The following PTPRQ variants were observed in gnomAD, a reference collection of about 807,000 sequenced individuals.
The protein encoded by PTPRQ is protein tyrosine phosphatase receptor type Q.
In PTPRQ, 199 loss-of-function variants were observed where a neutral mutation model predicts 246.0. The observed-to-expected ratio is 0.81, with a 90% CI of 0.72 to 0.91. The LOEUF (loss-of-function observed/expected upper bound fraction) is 0.91. PTPRQ is among the 40% of genes least tolerant of loss of function. PTPRQ has a pLI of 0.00. For synonymous variants in PTPRQ, 869 were observed against 853.2 expected, an observed-to-expected ratio of 1.02 and a Z score of -0.32; for missense variants, 2,624 against 2,528.4, an observed-to-expected ratio of 1.04 and a Z score of -0.81.
chr12:80,455,004 T>C (rs1282736196), intron 3 of PTPRQ, among the ~76,000 whole-genome samples: 1 of 152,136 alleles, frequency 6.6e-6, no homozygotes, highest in Non-Finnish European at 1.5e-5. Context: ...AAATCCCATC[T>C]CTACTCAAAA....
intron 14 of PTPRQ, among the ~76,000 whole-genome samples, chr12:80,505,404 G>T (rs1333076089): frequency 1.3e-5 from 2 of 151,832 alleles, no homozygotes; most frequent in African/African-American, 4.8e-5. Flanking sequence ...TAGGGTATCT[G>T]TTCCAATATT....
At position 80,484,493 on chromosome 12, in the gene PTPRQ, C is replaced by G. The variant is rs372238123; in HGVS notation, c.1247C>G (p.Thr416Ser). The G allele has an allele frequency of 3.9e-6, 6 of 1,551,064 alleles. No individual in the cohort carries two copies. Among genetic ancestry groups the G allele is most frequent in the Non-Finnish European group, 5.2e-6 (6 of 1,146,834 alleles). Residue 416 changes from threonine (T) to serine (S), a missense_variant, in exon 9 of 45, where the codon ACT (threonine) becomes AGT (serine). Transcript: ENST00000644991. ...GTAGAATCCACGCAAGTAAGAATTA[C>G]TTGGAAGAAACCACGACAACCAAAT... is the stretch of plus-strand genomic sequence containing the variant. ...AEVESTQVRI[T>S]WKKPRQPNGI...
intron 35 of PTPRQ, among the ~76,000 whole-genome samples, chr12:80,645,830 C>T (rs963381156): frequency 6.6e-6 from 1 of 151,988 alleles, no homozygotes. Context: ...TAGAGAATAT[C>T]TGGAGTGCAA....
intron 8 of PTPRQ, among the ~76,000 whole-genome samples, chr12:80,473,251 T>A (rs1893710660): frequency 1.3e-5 from 2 of 152,366 alleles, no homozygotes; most frequent in South Asian, 4.1e-4. Flanking sequence ...TTAGAATACA[T>A]ATAAGAAAGT....
At chr12:80,616,404 G>A (rs746508518) in intron 30 of PTPRQ, 138 bp downstream of exon 30, 4 of 712,686 alleles carry the variant, frequency 5.6e-6, no homozygotes, top group Non-Finnish European at 3.9e-6. Context: ...GTAAAAATGT[G>A]TGGTTATTAA....
chr12:80,472,864 C>G (rs963537857), intron 8 of PTPRQ, among the ~76,000 whole-genome samples: 69 of 152,242 alleles, frequency 4.5e-4, no homozygotes, highest in African/African-American at 1.5e-3. Context: ...CAGGCCCACA[C>G]TGAACTTGCT....
intron 16 of PTPRQ, among the ~76,000 whole-genome samples, chr12:80,510,021 A>T (rs988622113): frequency 2.0e-5 from 3 of 152,000 alleles, no homozygotes; most frequent in Admixed American, 2.0e-4. Context: ...TTATTAGAGG[A>T]TGACAGTTGA....
At chr12:80,566,216 G>A (rs1896973021) in intron 25 of PTPRQ, among the ~76,000 whole-genome samples, 1 of 152,156 alleles carries the variant, frequency 6.6e-6, no homozygotes, top group African/African-American at 2.4e-5. Flanking sequence ...GGTGGCTCAT[G>A]CCTGTAATCC....
intron 32 of PTPRQ, among the ~76,000 whole-genome samples, chr12:80,621,652 T>C (rs188583668): frequency 1.1e-3 from 165 of 152,156 alleles, no homozygotes; most frequent in Admixed American, 3.1e-3. Context: ...ATCATCATTT[T>C]AATCTAATTC....
At chr12:80,645,795 T>C (rs1900052013) in intron 35 of PTPRQ, among the ~76,000 whole-genome samples, 1 of 152,044 alleles carries the variant, frequency 6.6e-6, no homozygotes, top group African/African-American at 2.4e-5. Flanking sequence ...CCTGGAATGG[T>C]ATAAAATTGA....
intron 6 of PTPRQ, among the ~76,000 whole-genome samples, chr12:80,463,001 AACAAAGCTGG>A (rs1191802801): frequency 6.6e-6 from 1 of 152,148 alleles, no homozygotes; most frequent in Non-Finnish European, 1.5e-5. Context: ...CCAGCAACAG[AACAAAGCTGG>A]ACAGAGAATG....
In PTPRQ at chr12:80,506,899, C is replaced by T. The variant is rs185214870; in HGVS notation, c.2557+229C>T. On this transcript the variant is annotated intron_variant, in intron 16 of 44. Coordinates refer to ENST00000644991, the MANE Select transcript of PTPRQ (RefSeq NM_001145026.2). The stretch of plus-strand genomic sequence containing the variant: ...TTTTTATTTTCTGAAGTCATCAGTA[C>T]TCTGTAAAAAACAGTCAGTCATGTT... Among the ~76,000 whole-genome samples, 139 of 152,026 alleles carry T rather than the reference C, an allele frequency of 9.1e-4. 1 individual carries two copies. The highest frequency in any genetic ancestry group is 9.0e-3 in the Admixed American group (138 of 15,250).
rs1457372755 is a variant in PTPRQ, at chr12:80,542,877, A to G, written c.3869A>G (p.Tyr1290Cys). The change falls in exon 23 of 45, where the codon TAT (tyrosine) becomes TGT (cysteine). Residue 1290 changes from tyrosine (Y) to cysteine (C), a missense_variant. Transcript: ENST00000644991. ...IHEHETDTIY[Y>C]KNISGFKTEA... ...GAACATGAAACTGACACTATATATT[A>G]TAAGGTAGGTTGATTATAACAGTAT... 57 of 1,482,000 alleles carry G rather than the reference A, an allele frequency of 3.8e-5. No individual in the cohort carries two copies. The highest frequency in any genetic ancestry group is 5.1e-5 in the Non-Finnish European group (57 of 1,108,012). The allele number at this position is 1,482,000 out of a possible 1,614,324, so 91.8% of individuals were successfully genotyped here. A position where few individuals can be genotyped will look rare whatever the true frequency, so the allele number is the denominator to read the frequency against.
intron 19 of PTPRQ, among the ~76,000 whole-genome samples, chr12:80,537,677 C>A (rs1317472366): frequency 1.3e-5 from 2 of 152,192 alleles, no homozygotes; most frequent in Non-Finnish European, 2.9e-5. Context: ...AACCTCTTTG[C>A]TACTACTTGG....
At chr12:80,583,486 A>G (rs916350730) in intron 25 of PTPRQ, among the ~76,000 whole-genome samples, 8 of 152,144 alleles carry the variant, frequency 5.3e-5, no homozygotes, top group African/African-American at 1.9e-4. Context: ...AGGAAAGTAA[A>G]TATCAGTTCA....
Position 80,496,001 on chromosome 12 carries a change from T to A in PTPRQ, c.1885T>A (p.Leu629Ile). 6.5e-7 allele frequency: 1 copy of A among 1,549,200 alleles called. No individual in the cohort carries two copies. The highest frequency in any genetic ancestry group is 1.4e-5 in the African/African-American group (1 of 72,934). Residue 629 changes from leucine (L) to isoleucine (I), a missense_variant and splice_region_variant, in exon 13 of 45, where the codon TTA becomes ATA. By Grantham distance (5) the Leu-to-Ile change is conservative. Transcript: ENST00000644991. ...CAGTTTGTCTCTTGTCCTTATAGGG[T>A]TAAAGAAATACACAAAATACAAAAT... ...TIDNSFLITGLKKYTKYKMRV... is the reference protein window; with the variant it reads ...TIDNSFLITGIKKYTKYKMRV...
chr12:80,502,996 G>A (rs1456558588), intron 14 of PTPRQ, among the ~76,000 whole-genome samples: 3 of 151,738 alleles, frequency 2.0e-5, no homozygotes, highest in African/African-American at 7.3e-5. Context: ...AGTGACAGAG[G>A]TATTACCAGT....
At chr12:80,539,661 C>T in intron 19 of PTPRQ, 115 bp from the exon 20 acceptor site, 2 of 876,974 alleles carry the variant, frequency 2.3e-6, no homozygotes, top group Non-Finnish European at 1.6e-6. Context: ...TTTCCTAAAA[C>T]AACATATTAA....
At chr12:80,484,182 T>G (rs1894190420) in intron 8 of PTPRQ, among the ~76,000 whole-genome samples, 2 of 151,762 alleles carry the variant, frequency 1.3e-5, no homozygotes, top group South Asian at 4.2e-4. Flanking sequence ...ATTTTTGTAT[T>G]TTTTAGTAGA....
Sources: allele counts gnomAD v4.1 joint callset (sites outside exome capture counted in the v4.1 genomes callset), GRCh38; gene constraint gnomAD v4.1.1; transcripts MANE v1.5; gene names NCBI Gene and HGNC (gene_info 2026-07-23, HGNC 2026-07-21).